Variants in POLL observed in about 807,000 individuals in gnomAD.
POLL encodes DNA polymerase lambda.
Under a neutral mutation model 58.1 loss-of-function variants are expected in POLL, and 44 were observed. The ratio of observed to expected loss-of-function variants is 0.76; its 90% CI spans 0.60 to 0.97. The LOEUF (loss-of-function observed/expected upper bound fraction) is 0.97. POLL is among the 50% of genes least tolerant of loss of function. POLL has a pLI of 0.00. For synonymous variants in POLL, 290 were observed against 283.2 expected (o/e 1.02, Z -0.24); for missense variants, 632 against 736.8 (o/e 0.86, Z 1.65).
Position 101,580,297 on chromosome 10 carries a change from C to G in POLL, c.1314G>C (p.Arg438=), listed in dbSNP as rs1221985561. The change falls in exon 8 of 9, where the codon CGG becomes CGC. Residue 438 remains arginine (R), a synonymous_variant. Coordinates refer to ENST00000370162, the MANE Select transcript of POLL (RefSeq NM_001174084.2). This position sits in a 1 kb window ranked among gnomAD's most constrained non-coding sequence, Gnocchi z 4.1. The stretch of plus-strand genomic sequence containing the variant: ...GGCGGCTGAAGATACCCCGGTGGGA[C>G]CGGCCATCTGGGTGAGTGATGAGCA... ...VDVLITHPDG[R]SHRGIFSRLL... 6.2e-7 allele frequency: 1 copy of G among 1,613,996 alleles called. No individual in the cohort carries two copies. The highest frequency in any genetic ancestry group is 1.1e-5 in the South Asian group (1 of 91,080).
At chr10:101,585,259 A>C in intron 4 of POLL, 57 bp downstream of exon 4, 1 of 1,446,302 alleles carries the variant, frequency 6.9e-7, no homozygotes, top group South Asian at 1.5e-5. Flanking sequence ...GGCCCACCCC[A>C]TTTCTGTGAT....
chr10:101,587,151 C>G (rs771000196), intron 2 of POLL, 95 bp downstream of exon 2: 2 of 1,610,068 alleles, frequency 1.2e-6, no homozygotes, highest in Non-Finnish European at 1.7e-6. Flanking sequence ...AGAGTCAGCT[C>G]CAATATCTGA....
At chr10:101,586,871 C>G (rs942624223) in intron 2 of POLL, among the ~76,000 whole-genome samples, 7 of 152,234 alleles carry the variant, frequency 4.6e-5, no homozygotes, top group South Asian at 2.1e-4. Context: ...CTGACAGACC[C>G]GACAACCCTG....
intron 2 of POLL, among the ~76,000 whole-genome samples, chr10:101,586,719 T>G (rs1018851495): frequency 6.6e-6 from 1 of 152,196 alleles, no homozygotes; most frequent in African/African-American, 2.4e-5. Flanking sequence ...GGTCTCGAAC[T>G]CCTGAGCACA....
chr10:101,582,600 G>C (rs554833732), intron 7 of POLL, among the ~76,000 whole-genome samples, 163 bp downstream of exon 7: 1 of 152,132 alleles, frequency 6.6e-6, no homozygotes, highest in South Asian at 2.1e-4. Context: ...CCACCTCTGG[G>C]CCTGGAGCTT....
Position 101,585,381 on chromosome 10 carries a change from G to A in POLL, c.508C>T (p.Pro170Ser). 1.9e-6 allele frequency: 3 copies of A among 1,608,674 alleles called. No individual in the cohort carries two copies. Among genetic ancestry groups the A allele is most frequent in the East Asian group, 2.2e-5 (1 of 44,576 alleles). ...ALLQTALSPP[P>S]PPTRPVSPPQ... ...GGAGACACAGGCCTGGTGGGAGGAGGAGGAGGAGAAAGGGCTGTCTGAAGC... is the reference window on the plus strand; with the variant it reads ...GGAGACACAGGCCTGGTGGGAGGAGAAGGAGGAGAAAGGGCTGTCTGAAGC... Residue 170 changes from proline (P) to serine (S), a missense_variant, in exon 4 of 9, where the codon CCT becomes TCT. Physicochemically the swap from Pro to Ser is moderately conservative, Grantham distance 74. Coordinates refer to ENST00000370162, the MANE Select transcript of POLL (RefSeq NM_001174084.2).
rs771644362 is a variant in POLL at position 101,585,960 on chromosome 10, G to T, written c.312C>A (p.Pro104=). Residue 104 remains proline, a synonymous_variant, in exon 3 of 9, where the codon CCC becomes CCA. Transcript: ENST00000370162. ...CTGACTTCACCAGCTGAGCACCCGG[G>T]GGCAGCTGGGGTAGTCTGAGAAGGC... is the stretch of plus-strand genomic sequence containing the variant. ...ALRLLRLPQL[P]PGAQLVKSAW... The T allele has an allele frequency of 2.5e-6, 4 of 1,614,064 alleles. No individual in the cohort carries two copies. In the South Asian group the frequency reaches 4.4e-5, roughly 18 times the overall value.
Position 101,584,687 on chromosome 10 carries a change from A to C in POLL, c.806T>G (p.Val269Gly), listed in dbSNP as rs2063198845. The change falls in exon 5 of 9, where the codon GTT becomes GGT. Residue 269 changes from valine (V) to glycine (G), a missense_variant. By Grantham distance (109) the Val-to-Gly change is moderately radical. Transcript: ENST00000370162. ...CAGGGCCCTCCACTTGTCTCCCTGA[A>C]CACTGTAGGCTTTGGCCAGAACTTC... Reference protein sequence around the residue: ...KLEVLAKAYSVQGDKWRALGY... With the variant: ...KLEVLAKAYSGQGDKWRALGY... The C allele has an allele frequency of 6.2e-7, 1 of 1,613,776 alleles. No homozygotes were observed. The highest frequency in any genetic ancestry group is 1.7e-5 in the Admixed American group (1 of 59,984).
intron 1 of POLL, 38 bp downstream of exon 1, chr10:101,587,784 G>A (rs925554121): frequency 1.7e-6 from 2 of 1,190,764 alleles, no homozygotes; most frequent in African/African-American, 3.2e-5. Flanking sequence ...GGAGCCTGGG[G>A]AGGACCTGCA....
In POLL at chr10:101,579,096, G is replaced by C. The variant is rs1437317751; in HGVS notation, c.*357C>G. The C allele has an allele frequency of 3.5e-6, 1 of 284,880 alleles. No individual in the cohort carries two copies. The highest frequency in any genetic ancestry group is 6.7e-6 in the Non-Finnish European group (1 of 150,318). 17.6% of individuals were successfully genotyped at this position (284,880 alleles called of 1,614,324 possible). A position where few individuals can be genotyped will look rare whatever the true frequency, so the allele number is the denominator to read the frequency against. ...CCCCTGCAGCTTCTGTCCCCACCCA[G>C]CAGCTTGGCCTTTCCCATAGCAGGG... is the stretch of plus-strand genomic sequence containing the variant. On this transcript the variant is annotated 3_prime_UTR_variant, in exon 9 of 9. Coordinates refer to ENST00000370162, the MANE Select transcript of POLL (RefSeq NM_001174084.2). This position sits in a 1 kb window ranked among gnomAD's most constrained non-coding sequence, Gnocchi z 4.4.
intron 2 of POLL, 42 bp downstream of exon 2, chr10:101,587,204 T>C (rs1399688149): frequency 4.3e-6 from 7 of 1,613,636 alleles, no homozygotes; most frequent in African/African-American, 1.3e-5. Flanking sequence ...ATGAAGGCTG[T>C]GGGTTCAAGC....
At position 101,580,355 on chromosome 10, in the gene POLL, C is replaced by T. The variant is rs368168568; in HGVS notation, c.1256G>A (p.Arg419Gln). The T allele has an allele frequency of 1.7e-5, 28 of 1,613,940 alleles. No individual in the cohort carries two copies. The highest frequency in any genetic ancestry group is 1.3e-4 in the Admixed American group (8 of 60,006). The change falls in exon 8 of 9, where the codon CGA becomes CAA. Residue 419 changes from arginine to glutamine, a missense_variant. Arg to Gln is a conservative substitution (Grantham distance 43, BLOSUM62 1). Coordinates refer to ENST00000370162, the MANE Select transcript of POLL (RefSeq NM_001174084.2). This position sits in a 1 kb window ranked among gnomAD's most constrained non-coding sequence, Gnocchi z 4.1. ...ATCACCACAGGTCGCCTTTCCCCGT[C>T]GGTATGAACCACATGCCACACACAG... is the stretch of plus-strand genomic sequence containing the variant. ...GLLCVACGSY[R>Q]RGKATCGDVD...
Position 101,579,855 on chromosome 10 carries a change from C to T in POLL, c.1364-38G>A, listed in dbSNP as rs781084485. 6.3e-7 allele frequency: 1 copy of T among 1,589,128 alleles called. No individual in the cohort carries two copies. The highest frequency in any genetic ancestry group is 1.3e-5 in the African/African-American group (1 of 74,712). On this transcript the variant is annotated intron_variant, in intron 8 of 8. Coordinates refer to ENST00000370162, the MANE Select transcript of POLL (RefSeq NM_001174084.2). This position sits in a 1 kb window ranked among gnomAD's most constrained non-coding sequence, Gnocchi z 4.4. ...AGGGGACTGCTGGGAGGGCAGGGAA[C>T]CAGGCCTGGGCTGTCCCATCCTCCC...
chr10:101,584,480 CT>C (rs1276507307), intron 5 of POLL, 121 bp downstream of exon 5: 11 of 568,410 alleles, frequency 1.9e-5, no homozygotes, highest in South Asian at 7.8e-5. Context: ...ATCAATTTTC[CT>C]TTTTTTTCTT....
At chr10:101,586,327 A>G (rs1332920686) in intron 2 of POLL, among the ~76,000 whole-genome samples, 171 bp from the exon 3 acceptor site, 3 of 152,070 alleles carry the variant, frequency 2.0e-5, no homozygotes, top group Non-Finnish European at 4.4e-5. Context: ...CATATAGCAA[A>G]TTTTCTCACA....
intron 5 of POLL, 103 bp from the exon 6 acceptor site, chr10:101,583,784 G>T: frequency 1.0e-6 from 1 of 985,248 alleles, no homozygotes; most frequent in Non-Finnish European, 1.5e-6. Flanking sequence ...TGACATAAAA[G>T]CCAGCCTGGC....
intron 1 of POLL, 153 bp downstream of exon 1, chr10:101,587,667 TCA>T: frequency 2.8e-5 from 27 of 966,680 alleles, no homozygotes; most frequent in Non-Finnish European, 3.7e-5. Context: ...ACACCATTCC[TCA>T]GAGGGGTTGC....
Position 101,580,550 on chromosome 10 carries a change from G to A in POLL, c.1195-134C>T. 2 of 724,156 alleles carry A rather than the reference G, an allele frequency of 2.8e-6. No homozygotes were observed. Among genetic ancestry groups the A allele is most frequent in the Non-Finnish European group, 4.5e-6 (2 of 440,008 alleles). 44.9% of individuals were successfully genotyped at this position (724,156 alleles called of 1,614,324 possible). On this transcript the variant is annotated intron_variant, in intron 7 of 8. Coordinates refer to ENST00000370162, the MANE Select transcript of POLL (RefSeq NM_001174084.2). This position sits in a 1 kb window ranked among gnomAD's most constrained non-coding sequence, Gnocchi z 4.1. ...TTCCAGATGCCTGCTGCAAGCCCAG[G>A]GGAATCCACCCTGAGGAGCTGCTGT...
rs2063466649 is a variant in POLL at position 101,587,742 on chromosome 10, G to A, written c.-47+80C>T. ...GAAGGGCTTTACCAAATGGGATGCT[G>A]GGCTAGGAAATGGAGCTTTAGGGGA... On this transcript the variant is annotated intron_variant, in intron 1 of 8. Coordinates refer to ENST00000370162, the MANE Select transcript of POLL (RefSeq NM_001174084.2). 5 of 1,180,698 alleles carry A rather than the reference G, an allele frequency of 4.2e-6. No homozygotes were observed. In the South Asian group the frequency reaches 4.8e-5, roughly 11 times the overall value. 73.1% of individuals were successfully genotyped at this position (1,180,698 alleles called of 1,614,324 possible). A position where few individuals can be genotyped will look rare whatever the true frequency, so the allele number is the denominator to read the frequency against.
Sources: allele counts gnomAD v4.1 joint callset (sites outside exome capture counted in the v4.1 genomes callset), GRCh38; gene constraint gnomAD v4.1.1; non-coding constraint Gnocchi (gnomAD v3.1); transcripts MANE v1.5; gene names NCBI Gene and HGNC (gene_info 2026-07-23, HGNC 2026-07-21).